The following ZNG1B variants were observed in gnomAD, a reference collection of about 807,000 sequenced individuals.
ZNG1B encodes zinc-regulated GTPase metalloprotein activator 1B.
the ZNG1B span, chr2:113,454,702 T>G: frequency 3.8e-6 from 6 of 1,564,368 alleles, no homozygotes; most frequent in Non-Finnish European, 5.3e-6. Context: ...TAATAAACAT[T>G]CTTTTTAAAA....
At chr2:113,465,751 T>G in the ZNG1B span, 1 of 916,804 alleles carries the variant, frequency 1.1e-6, no homozygotes, top group Non-Finnish European at 1.3e-6. Context: ...CTCATTTTTT[T>G]TTTTTTTTTT....
chr2:113,477,992 GT>G, the ZNG1B span, among the ~76,000 whole-genome samples: 2 of 152,076 alleles, frequency 1.3e-5, no homozygotes, highest in African/African-American at 4.8e-5. Flanking sequence ...CATATGGCAA[GT>G]TTTCCTTTTT....
At chr2:113,487,435 A>G in the ZNG1B span, among the ~76,000 whole-genome samples, 2 of 152,218 alleles carry the variant, frequency 1.3e-5, no homozygotes, top group East Asian at 3.8e-4. Flanking sequence ...AGGGTACAAT[A>G]TAGTATTGTT....
At chr2:113,446,611 G>A in the ZNG1B span, among the ~76,000 whole-genome samples, 2 of 149,384 alleles carry the variant, frequency 1.3e-5, no homozygotes, top group Admixed American at 1.3e-4. Context: ...GCCAGGCGTT[G>A]TGGCGCACCC....
the ZNG1B span, among the ~76,000 whole-genome samples, chr2:113,460,031 A>G: frequency 2.4e-4 from 33 of 139,978 alleles, no homozygotes; most frequent in Non-Finnish European, 3.8e-4. Flanking sequence ...AAACAGTTGC[A>G]CTGAGAGGCC....
At chr2:113,439,084 C>A in the ZNG1B span, 3 of 1,541,866 alleles carry the variant, frequency 1.9e-6, no homozygotes, top group Admixed American at 4.0e-5. Flanking sequence ...GTATTTCAAA[C>A]GTGCCGCTCG....
At chr2:113,495,198 C>T in the ZNG1B span, 1 of 1,506,964 alleles carries the variant, frequency 6.6e-7, no homozygotes, top group South Asian at 1.2e-5. Flanking sequence ...GGAGGAGACT[C>T]CAGTGAGCTG....
chr2:113,493,218 T>C, the ZNG1B span, among the ~76,000 whole-genome samples: 2 of 134,568 alleles, frequency 1.5e-5, no homozygotes, highest in African/African-American at 2.7e-5. Flanking sequence ...GCCTTTCTTT[T>C]GTATTTTTTT....
chr2:113,453,284 C>T, the ZNG1B span: 1 of 1,573,162 alleles, frequency 6.4e-7, no homozygotes, highest in Non-Finnish European at 8.6e-7. Context: ...CACTTTGTTG[C>T]CCAGACTGGA....
the ZNG1B span, among the ~76,000 whole-genome samples, chr2:113,492,365 T>G: frequency 4.0e-5 from 5 of 125,778 alleles, 1 homozygote; most frequent in Non-Finnish European, 8.5e-5. Flanking sequence ...GATTGGAGAC[T>G]ATTATTCTAA....
At chr2:113,448,170 A>T in the ZNG1B span, among the ~76,000 whole-genome samples, 1 of 151,930 alleles carries the variant, frequency 6.6e-6, no homozygotes, top group Non-Finnish European at 1.5e-5. Flanking sequence ...TTACTCCTTG[A>T]TCAGTGGGCT....
At chr2:113,478,362 A>G in the ZNG1B span, among the ~76,000 whole-genome samples, 2 of 151,858 alleles carry the variant, frequency 1.3e-5, no homozygotes, top group Non-Finnish European at 1.5e-5. Context: ...TGCAGCCTCA[A>G]CCTCCTGGGC....
chr2:113,444,969 A>G, the ZNG1B span: 57 of 1,610,346 alleles, frequency 3.5e-5, no homozygotes, highest in East Asian at 8.9e-5. Flanking sequence ...TCCAGGGACA[A>G]TGGCCTTAGA....
the ZNG1B span, among the ~76,000 whole-genome samples, chr2:113,451,158 C>T: frequency 1.3e-5 from 2 of 151,992 alleles, no homozygotes; most frequent in Non-Finnish European, 2.9e-5. Context: ...ATTCATTCCT[C>T]GGCTCTACTT....
At chr2:113,470,858 G>C in the ZNG1B span, 1 of 733,586 alleles carries the variant, frequency 1.4e-6, no homozygotes, top group Admixed American at 3.1e-5. Flanking sequence ...ATTCATTGAA[G>C]TAATAACCAA....
the ZNG1B span, among the ~76,000 whole-genome samples, chr2:113,492,006 G>A: frequency 1.5e-5 from 2 of 131,182 alleles, 1 homozygote; most frequent in African/African-American, 5.5e-5. Flanking sequence ...TGGCATGGAT[G>A]TGGTGAACAC....
At chr2:113,467,173 A>G in the ZNG1B span, among the ~76,000 whole-genome samples, 1 of 150,350 alleles carries the variant, frequency 6.7e-6, no homozygotes, top group African/African-American at 2.5e-5. Flanking sequence ...TTTTTTTACC[A>G]TTTTGTAGCT....
the ZNG1B span, among the ~76,000 whole-genome samples, chr2:113,452,332 G>C: frequency 6.6e-6 from 1 of 152,088 alleles, no homozygotes; most frequent in East Asian, 1.9e-4. Flanking sequence ...AGAGTAGGTG[G>C]ACAGCTTTAG....
At chr2:113,454,755 G>A in the ZNG1B span, 2 of 1,577,370 alleles carry the variant, frequency 1.3e-6, no homozygotes, top group South Asian at 2.2e-5. Flanking sequence ...CATAACTATA[G>A]TGGATTCAAA....
Sources: allele counts gnomAD v4.1 joint callset (sites outside exome capture counted in the v4.1 genomes callset), GRCh38; gene constraint gnomAD v4.1.1; transcripts MANE v1.5; gene names NCBI Gene and HGNC (gene_info 2026-07-23, HGNC 2026-07-21).